Variants in SLC6A4 observed in about 807,000 individuals in gnomAD.
SLC6A4 encodes solute carrier family 6 member 4.
SLC6A4 carries 22 observed loss-of-function variants against 73.4 expected under a neutral mutation model. That is an observed-to-expected ratio of 0.30 (90% CI 0.21 to 0.43). SLC6A4 has a LOEUF of 0.43. SLC6A4 is among the 20% of genes least tolerant of loss of function. SLC6A4 has a pLI of 1.00. For missense variants in SLC6A4, 593 were observed against 808.5 expected (o/e 0.73, Z 3.23); for synonymous variants, 270 against 315.5 (o/e 0.86, Z 1.53).
intron 6 of SLC6A4, 37 bp from the exon 7 acceptor site, chr17:30,216,253 G>C (rs1906569912): frequency 1.2e-6 from 1 of 832,584 alleles, no homozygotes; most frequent in East Asian, 3.1e-5. Context: ...GCTGTTCCAG[G>C]GAGGGGAGGG....
intron 8 of SLC6A4, 51 bp from the exon 9 acceptor site, chr17:30,212,918 T>A (rs1422567148): frequency 6.2e-7 from 1 of 1,603,446 alleles, no homozygotes; most frequent in Non-Finnish European, 8.5e-7. Context: ...AGATCAGGGG[T>A]CTAAGGAGCA....
chr17:30,199,670 T>C (rs566456976), intron 14 of SLC6A4, among the ~76,000 whole-genome samples: 2 of 152,146 alleles, frequency 1.3e-5, no homozygotes, highest in Non-Finnish European at 1.5e-5. Flanking sequence ...TTAGTATCTG[T>C]GTACTGAACT....
At position 30,199,329 on chromosome 17, in the gene SLC6A4, A is replaced by C. The variant is rs201507390; in HGVS notation, c.1819-799T>G. On this transcript the variant is annotated intron_variant, in intron 14 of 14. Coordinates refer to ENST00000650711, the MANE Select transcript of SLC6A4 (RefSeq NM_001045.6). ...GGATATAGAGGAGAAAAAAAAAAAA[A>C]CAGCCACACTGCAGAGGCTTTGAAA... is the stretch of plus-strand genomic sequence containing the variant. Among the ~76,000 whole-genome samples, 3 of 152,002 alleles carry C rather than the reference A, an allele frequency of 2.0e-5. No individual in the cohort carries two copies. In the East Asian group the frequency reaches 5.8e-4, roughly 29 times the overall value.
At chr17:30,224,075 A>C (rs968864522) in intron 1 of SLC6A4, among the ~76,000 whole-genome samples, 1 of 152,190 alleles carries the variant, frequency 6.6e-6, no homozygotes, top group Admixed American at 6.5e-5. Flanking sequence ...CCTCCGGCCT[A>C]TATCAATGAC....
chr17:30,203,545 C>T, intron 13 of SLC6A4: 1 of 554,538 alleles, frequency 1.8e-6, no homozygotes, highest in Admixed American at 3.1e-5. Context: ...AGGTGCTTTC[C>T]CTGATTTTCC....
chr17:30,194,976 G>C lies in SLC6A4; in HGVS notation c.*3480C>G, dbSNP rs1357873522. 1 of 152,130 alleles carries C rather than the reference G, an allele frequency of 6.6e-6. No individual in the cohort carries two copies. The highest frequency in any genetic ancestry group is 6.6e-5 in the Admixed American group (1 of 15,266). The allele number at this position is 152,130 out of a possible 1,614,324, so 9.4% of individuals were successfully genotyped here. ...CTGGTGAAGAAAGTTTATTTTAGTA[G>C]CTTTAAAAAAATACTTGCATTGGTG... On this transcript the variant is annotated 3_prime_UTR_variant, in exon 15 of 15. Coordinates refer to ENST00000650711, the MANE Select transcript of SLC6A4 (RefSeq NM_001045.6).
intron 1 of SLC6A4, among the ~76,000 whole-genome samples, chr17:30,228,838 A>G (rs1436391448): frequency 6.6e-6 from 1 of 152,138 alleles, no homozygotes; most frequent in Non-Finnish European, 1.5e-5. Context: ...ATCCTTTTAT[A>G]TACATTTGCT....
intron 1 of SLC6A4, 98 bp from the exon 2 acceptor site, chr17:30,223,013 T>G: frequency 2.4e-6 from 1 of 412,338 alleles, no homozygotes; most frequent in Non-Finnish European, 4.8e-6. Context: ...CTGCTGTGCC[T>G]TCATTTCACC....
At chr17:30,233,134 C>G (rs1484306740) in intron 1 of SLC6A4, among the ~76,000 whole-genome samples, 1 of 152,222 alleles carries the variant, frequency 6.6e-6, no homozygotes, top group Non-Finnish European at 1.5e-5. Context: ...GTCTGCCTCA[C>G]TTGTCCCAAG....
At chr17:30,212,921 A>G in intron 8 of SLC6A4, 54 bp from the exon 9 acceptor site, 1 of 1,600,922 alleles carries the variant, frequency 6.2e-7, no homozygotes, top group Non-Finnish European at 8.5e-7. Context: ...TCAGGGGTCT[A>G]AGGAGCATCT....
At chr17:30,215,023 T>TCTTTCTTTCTTTTTTC (rs1189919841) in intron 8 of SLC6A4, among the ~76,000 whole-genome samples, 58 of 29,436 alleles carry the variant, frequency 2.0e-3, no homozygotes, top group East Asian at 0.013. Flanking sequence ...TTTCTTTCTT[T>TCTTTCTTTCTTTTTTC]TTTCTTTCTT....
intron 1 of SLC6A4, among the ~76,000 whole-genome samples, chr17:30,227,721 T>G (rs1252562170): frequency 6.6e-6 from 1 of 152,170 alleles, no homozygotes; most frequent in South Asian, 2.1e-4. Flanking sequence ...TCCTGGCCTA[T>G]GAGCAATCCT....
chr17:30,212,806 A>G lies in SLC6A4; in HGVS notation c.1138T>C (p.Phe380Leu). The change falls in exon 9 of 15, where the codon TTC (phenylalanine) becomes CTC (leucine). Residue 380 changes from phenylalanine to leucine, a missense_variant. Phe to Leu is a conservative substitution (Grantham distance 22). Transcript: ENST00000650711. ...TCAGCCATGTAACCGAGCACTGTGAAGATGACAAATCCCGAAACGAAGCTC... is the reference window on the plus strand; with the variant it reads ...TCAGCCATGTAACCGAGCACTGTGAGGATGACAAATCCCGAAACGAAGCTC... ...MTSFVSGFVIFTVLGYMAEMR... is the reference protein window; with the variant it reads ...MTSFVSGFVILTVLGYMAEMR... The G allele has an allele frequency of 1.2e-6, 2 of 1,614,196 alleles. No individual in the cohort carries two copies. The highest frequency in any genetic ancestry group is 1.7e-6 in the Non-Finnish European group (2 of 1,180,022).
intron 12 of SLC6A4, 43 bp from the exon 13 acceptor site, chr17:30,207,875 A>T (rs757328004): frequency 3.5e-6 from 5 of 1,431,902 alleles, no homozygotes; most frequent in African/African-American, 1.4e-5. Flanking sequence ...CTAAGAAAGG[A>T]CATGGGCTGT....
chr17:30,230,169 A>G (rs112380099), intron 1 of SLC6A4, among the ~76,000 whole-genome samples: 2,999 of 152,158 alleles, frequency 0.02, 118 homozygotes, highest in African/African-American at 0.067. Flanking sequence ...GAGGAAGAAG[A>G]AGAAGTTGGT....
At chr17:30,209,357 A>C (rs1293767282) in intron 11 of SLC6A4, 115 bp from the exon 12 acceptor site, 3 of 661,320 alleles carry the variant, frequency 4.5e-6, no homozygotes. Flanking sequence ...CCCACCTGGG[A>C]CCGAACGTGA....
chr17:30,214,422 CAAAAAAAAAA>C lies in SLC6A4; in HGVS notation c.1076+1179_1076+1188del, dbSNP rs748274109. Among the ~76,000 whole-genome samples the C allele has an allele frequency of 8.8e-5, 7 of 79,492 alleles. No individual in the cohort carries two copies. The South Asian group carries it at 2.2e-3, about 25-fold the overall frequency. 52.1% of individuals were successfully genotyped at this position (79,492 alleles called of 152,430 possible). ...GGACAACAAGAGCGAAACTCCGTCT[CAAAAAAAAAA>C]AAAAAAAAAGAAAAGAAAAGAAAAA... is the stretch of plus-strand genomic sequence containing the variant. On this transcript the variant is annotated intron_variant, in intron 8 of 14. Transcript: ENST00000650711.
intron 13 of SLC6A4, among the ~76,000 whole-genome samples, chr17:30,206,981 C>A (rs1906226805): frequency 6.6e-6 from 1 of 152,110 alleles, no homozygotes; most frequent in African/African-American, 2.4e-5. Flanking sequence ...GCTGGGATAA[C>A]AGGCATGAGC....
chr17:30,204,487 A>G (rs1460127828), intron 13 of SLC6A4: 1 of 152,148 alleles, frequency 6.6e-6, no homozygotes, highest in Non-Finnish European at 1.5e-5. Context: ...GGGAACAGGG[A>G]AAGAAGATCT....
Sources: allele counts gnomAD v4.1 joint callset (sites outside exome capture counted in the v4.1 genomes callset), GRCh38; gene constraint gnomAD v4.1.1; transcripts MANE v1.5; gene names NCBI Gene and HGNC (gene_info 2026-07-23, HGNC 2026-07-21).